ITPR1: variants seen among roughly 807,000 people sequenced by gnomAD.
ITPR1 encodes the protein inositol 1,4,5-trisphosphate-gated calcium channel ITPR1.
Under a neutral mutation model 318.4 loss-of-function variants are expected in ITPR1, and 96 were observed. The ratio of observed to expected loss-of-function variants is 0.30; its 90% CI spans 0.26 to 0.36. The LOEUF is 0.36. Ranked by LOEUF, ITPR1 falls within the 10% of genes least tolerant of loss-of-function variation. The probability of loss-of-function intolerance (pLI) is 1.00; values close to 1 mark genes in which losing one functional copy is unlikely to be tolerated. For synonymous variants in ITPR1, 1,312 were observed against 1,289.9 expected (o/e 1.02, Z -0.37); for missense variants, 2,440 against 3,460.2 (o/e 0.71, Z 7.40).
At chr3:4,499,575 T>C (rs2080864542) in intron 2 of ITPR1, among the ~76,000 whole-genome samples, 1 of 152,220 alleles carries the variant, frequency 6.6e-6, no homozygotes. Context: ...AGGATCCAAA[T>C]AAGGTAAATA....
Position 4,670,413 on chromosome 3 carries a change from A to C in ITPR1, c.2007-316A>C, listed in dbSNP as rs535958489. ...TAATTCTTTGTTGTGGGGCTGTGCT[A>C]GGCACTGTAAAATGTTCAGCAGCAT... On this transcript the variant is annotated intron_variant, in intron 19 of 61. Transcript: ENST00000649015. Among the ~76,000 whole-genome samples the C allele has an allele frequency of 8.5e-4, 130 of 152,224 alleles. 1 individual carries two copies. Among genetic ancestry groups the C allele is most frequent in the Middle Eastern group, 3.4e-3 (1 of 294 alleles).
At chr3:4,611,057 C>CCCTT (rs1356384689) in intron 4 of ITPR1, among the ~76,000 whole-genome samples, 56 of 88,364 alleles carry the variant, frequency 6.3e-4, no homozygotes, top group African/African-American at 3.1e-3. Flanking sequence ...CTCCCTCCCT[C>CCCTT]CCTTCCTTCC....
chr3:4,521,037 C>A lies in ITPR1; in HGVS notation c.106C>A (p.Arg36Ser). The change falls in exon 4 of 62, where the codon CGT becomes AGT. Residue 36 changes from arginine to serine, a missense_variant. Arg to Ser is a moderately radical substitution (Grantham distance 110). Coordinates refer to ENST00000649015, the MANE Select transcript of ITPR1 (RefSeq NM_001378452.1). ...FISTLGLVDD[R>S]CVVQPETGDL... The stretch of plus-strand genomic sequence containing the variant: ...TCTTCTTTACAGCCTGGTTGATGAT[C>A]GTTGTGTTGTACAGCCAGAAACCGG... The A allele has an allele frequency of 6.2e-7, 1 of 1,612,956 alleles. No individual in the cohort carries two copies. Among genetic ancestry groups the A allele is most frequent in the South Asian group, 1.1e-5 (1 of 91,040 alleles).
intron 39 of ITPR1, among the ~76,000 whole-genome samples, chr3:4,713,451 A>G (rs531225778): frequency 6.6e-6 from 1 of 152,306 alleles, no homozygotes; most frequent in Non-Finnish European, 1.5e-5. Context: ...TTGTCTTTTT[A>G]TAACCTGGAA....
At chr3:4,587,271 GTTT>G (rs34690762) in intron 4 of ITPR1, among the ~76,000 whole-genome samples, 1 of 118,918 alleles carries the variant, frequency 8.4e-6, no homozygotes, top group Admixed American at 8.8e-5. Context: ...ACTTCTCATG[GTTT>G]TTTTTTTTTT....
intron 2 of ITPR1, among the ~76,000 whole-genome samples, chr3:4,510,888 A>C (rs2081765729): frequency 6.6e-6 from 1 of 151,968 alleles, no homozygotes; most frequent in South Asian, 2.1e-4. Flanking sequence ...TAGGGACGAG[A>C]GTGTTGTGGG....
chr3:4,692,406 T>C (rs1481237802), intron 32 of ITPR1, among the ~76,000 whole-genome samples: 1 of 152,220 alleles, frequency 6.6e-6, no homozygotes, highest in Non-Finnish European at 1.5e-5. Flanking sequence ...CTATAATAAA[T>C]TATTTAATCT....
intron 4 of ITPR1, among the ~76,000 whole-genome samples, chr3:4,583,265 A>G (rs916710702): frequency 6.6e-6 from 1 of 152,182 alleles, no homozygotes; most frequent in Non-Finnish European, 1.5e-5. Context: ...GATAATATCC[A>G]TGTTATATCT....
At chr3:4,677,633 C>T (rs115985818) in intron 24 of ITPR1, among the ~76,000 whole-genome samples, 1,926 of 152,238 alleles carry the variant, frequency 0.013, 26 homozygotes, top group Non-Finnish European at 0.022. Flanking sequence ...ATATATATAG[C>T]TTCTTGGACA....
At chr3:4,841,769 A>T (rs2051361366) in intron 61 of ITPR1, among the ~76,000 whole-genome samples, 1 of 152,186 alleles carries the variant, frequency 6.6e-6, no homozygotes. Context: ...CCTGAGTAAG[A>T]GTTGGCCAGG....
chr3:4,633,157 C>T (rs989834445), intron 5 of ITPR1, among the ~76,000 whole-genome samples: 1 of 151,952 alleles, frequency 6.6e-6, no homozygotes, highest in East Asian at 1.9e-4. Context: ...AGGATGGTCT[C>T]GATCTCCTGA....
intron 36 of ITPR1, among the ~76,000 whole-genome samples, chr3:4,705,179 G>T (rs751546044): frequency 2.6e-5 from 4 of 152,026 alleles, no homozygotes; most frequent in Admixed American, 6.5e-5. Context: ...TTGTTTTTTG[G>T]ACATTTTCCC....
At position 4,697,242 on chromosome 3, in the gene ITPR1, G is replaced by C; in HGVS notation, c.4377G>C (p.Leu1459Phe). The change falls in exon 34 of 62, where the codon TTG (leucine) becomes TTC (phenylalanine). Residue 1459 changes from leucine (L) to phenylalanine (F), a missense_variant. Physicochemically the swap from Leu to Phe is conservative, Grantham distance 22. Coordinates refer to ENST00000649015, the MANE Select transcript of ITPR1 (RefSeq NM_001378452.1). ...EIYTSNHMWK[L>F]FENFLVDICR... Reference sequence around the variant, plus strand: ...ATACCAGCAATCACATGTGGAAATTGTTTGAGAATTTCCTTGTAGACATCT... The same window carrying C: ...ATACCAGCAATCACATGTGGAAATTCTTTGAGAATTTCCTTGTAGACATCT... 1 of 1,570,484 alleles carries C rather than the reference G, an allele frequency of 6.4e-7. No individual in the cohort carries two copies. Among genetic ancestry groups the C allele is most frequent in the Non-Finnish European group, 8.6e-7 (1 of 1,156,480 alleles).
chr3:4,516,015 C>T (rs1455030334), intron 2 of ITPR1, among the ~76,000 whole-genome samples: 1 of 152,246 alleles, frequency 6.6e-6, no homozygotes, highest in African/African-American at 2.4e-5. Context: ...AGCCCAGGCA[C>T]TGTGGCCTTG....
At chr3:4,800,810 T>C (rs762218786) in intron 54 of ITPR1, among the ~76,000 whole-genome samples, 2 of 152,200 alleles carry the variant, frequency 1.3e-5, no homozygotes, top group Non-Finnish European at 2.9e-5. Flanking sequence ...AATGGATCCC[T>C]TGGGCATCAG....
At chr3:4,720,161 T>C (rs950895125) in intron 40 of ITPR1, among the ~76,000 whole-genome samples, 1 of 152,222 alleles carries the variant, frequency 6.6e-6, no homozygotes, top group Non-Finnish European at 1.5e-5. Context: ...TCCAGGGGGA[T>C]TTGGATACAG....
intron 30 of ITPR1, among the ~76,000 whole-genome samples, chr3:4,687,051 C>T (rs1478254476): frequency 2.0e-5 from 3 of 152,236 alleles, no homozygotes; most frequent in South Asian, 4.1e-4. Flanking sequence ...CCTCCCACAA[C>T]TCTGTTTTGT....
chr3:4,673,217 C>T lies in ITPR1; in HGVS notation c.2286C>T (p.Val762=), dbSNP rs766955271. The change falls in exon 21 of 62, where the codon GTC becomes GTT. Residue 762 remains valine, a synonymous_variant. Transcript: ENST00000649015. ...AINEISGQLD[V]DLILRCMSDE... is the part of the protein sequence containing the mutation. ...ACGAAATCTCAGGCCAGCTGGATGT[C>T]GATCTCATTCTCCGCTGCATGTCTG... The T allele has an allele frequency of 4.3e-6, 7 of 1,613,838 alleles. No homozygotes were observed. The highest frequency in any genetic ancestry group is 5.9e-6 in the Non-Finnish European group (7 of 1,179,880).
At chr3:4,578,985 T>G (rs1459507535) in intron 4 of ITPR1, among the ~76,000 whole-genome samples, 1 of 152,120 alleles carries the variant, frequency 6.6e-6, no homozygotes, top group Non-Finnish European at 1.5e-5. Context: ...GAACAAAAAT[T>G]CCATTGACCC....
Sources: gnomAD v4.1 joint callset for allele counts (sites outside exome capture counted in the v4.1 genomes callset) on GRCh38, gnomAD v4.1.1 for gene constraint, MANE v1.5 for transcripts, NCBI Gene and HGNC (gene_info 2026-07-23, HGNC 2026-07-21) for gene names.